The following MYRIP variants were observed in gnomAD, a reference collection of about 807,000 sequenced individuals.
MYRIP encodes the protein rab effector MyRIP.
A neutral mutation model predicts 98.0 loss-of-function variants in MYRIP; 49 were observed. That is an observed-to-expected ratio of 0.50 (90% CI 0.40 to 0.63). The LOEUF (loss-of-function observed/expected upper bound fraction) is 0.63. Ranked by LOEUF, MYRIP falls within the 30% of genes least tolerant of loss-of-function variation. The pLI is 0.00. For synonymous variants in MYRIP, 404 were observed against 409.5 expected, an observed-to-expected ratio of 0.99 and a Z score of 0.16; for missense variants, 1,004 against 1,058.2, an observed-to-expected ratio of 0.95 and a Z score of 0.71.
At chr3:40,009,729 T>C (rs1281821182) in intron 2 of MYRIP, among the ~76,000 whole-genome samples, 2 of 152,186 alleles carry the variant, frequency 1.3e-5, no homozygotes, top group Admixed American at 6.5e-5. Flanking sequence ...AGTGGTTCCA[T>C]TAAATGGTCA....
intron 4 of MYRIP, among the ~76,000 whole-genome samples, chr3:40,154,260 C>A (rs1001239798): frequency 6.6e-6 from 1 of 152,172 alleles, no homozygotes; most frequent in African/African-American, 2.4e-5. Context: ...AACCTTTCTC[C>A]TTCTCCTGCA....
intron 7 of MYRIP, among the ~76,000 whole-genome samples, chr3:40,169,569 T>A (rs1423977029): frequency 6.6e-6 from 1 of 152,210 alleles, no homozygotes; most frequent in Non-Finnish European, 1.5e-5. Flanking sequence ...ATGAGCTGTG[T>A]AGCCTTATCC....
chr3:40,253,757 A>C (rs563998126), intron 16 of MYRIP, among the ~76,000 whole-genome samples: 1 of 152,320 alleles, frequency 6.6e-6, no homozygotes, highest in East Asian at 1.9e-4. Flanking sequence ...GCCGCTATTA[A>C]GGGTTCGTTT....
intron 3 of MYRIP, among the ~76,000 whole-genome samples, chr3:40,062,577 G>A (rs2125849950): frequency 6.6e-6 from 1 of 152,200 alleles, no homozygotes; most frequent in Admixed American, 6.5e-5. Flanking sequence ...AAATCCATGG[G>A]CACCCAAATT....
Position 39,976,006 on chromosome 3 carries a change from A to G in MYRIP, c.111-68044A>G, listed in dbSNP as rs989165715. ...AGGCATGGGCAAGGACTTCATGTCTAAAACACCAAAAGCAATGGCAACAAA... is the reference window on the plus strand; with the variant it reads ...AGGCATGGGCAAGGACTTCATGTCTGAAACACCAAAAGCAATGGCAACAAA... On this transcript the variant is annotated intron_variant, in intron 2 of 16. Transcript: ENST00000302541. Among the ~76,000 whole-genome samples, 156 of 152,346 alleles carry G rather than the reference A, an allele frequency of 1.0e-3. 1 individual carries two copies. The highest frequency in any genetic ancestry group is 6.8e-3 in the Middle Eastern group (2 of 294).
intron 1 of MYRIP, among the ~76,000 whole-genome samples, chr3:39,814,331 C>T (rs1203921120): frequency 6.6e-6 from 1 of 152,078 alleles, no homozygotes; most frequent in Non-Finnish European, 1.5e-5. Flanking sequence ...TTTTACTGCT[C>T]TTTTACTTTG....
intron 1 of MYRIP, among the ~76,000 whole-genome samples, chr3:39,814,046 G>T (rs1940790626): frequency 6.6e-6 from 1 of 151,772 alleles, no homozygotes; most frequent in South Asian, 2.1e-4. Flanking sequence ...TCTACCTCTT[G>T]GTATTATTAA....
intron 2 of MYRIP, among the ~76,000 whole-genome samples, chr3:39,930,742 T>A (rs989328251): frequency 6.6e-6 from 1 of 152,074 alleles, no homozygotes; most frequent in African/African-American, 2.4e-5. Flanking sequence ...CTTTTGCATG[T>A]GGATGTCCAG....
At chr3:40,057,609 T>C (rs1287970546) in intron 3 of MYRIP, among the ~76,000 whole-genome samples, 1 of 152,154 alleles carries the variant, frequency 6.6e-6, no homozygotes, top group Admixed American at 6.5e-5. Context: ...CCAGAACTCA[T>C]ACTTTCTCTG....
At chr3:40,151,559 C>T (rs992689263) in intron 4 of MYRIP, among the ~76,000 whole-genome samples, 5 of 152,226 alleles carry the variant, frequency 3.3e-5, no homozygotes, top group African/African-American at 1.2e-4. Context: ...CCCTGGAGGG[C>T]ATGCCTTCTA....
rs555930945 is a variant in MYRIP at position 40,044,226 on chromosome 3, A to G, written c.287A>G (p.Gln96Arg). ...GTCTGCAAGAGCTGCTGCTCCTACC[A>G]GAAGCACGAAAAGGCCTGGGTCTGC... is the stretch of plus-strand genomic sequence containing the variant. ...FNVCKSCCSY[Q>R]KHEKAWVCCV... is the part of the protein sequence containing the mutation. The change falls in exon 3 of 17, where the codon CAG becomes CGG. Residue 96 changes from glutamine to arginine, a missense_variant. Transcript: ENST00000302541. 1.2e-6 allele frequency: 2 copies of G among 1,614,214 alleles called. No individual in the cohort carries two copies. The highest frequency in any genetic ancestry group is 2.7e-5 in the African/African-American group (2 of 75,068).
At chr3:39,933,461 G>A (rs913062428) in intron 2 of MYRIP, among the ~76,000 whole-genome samples, 7 of 152,156 alleles carry the variant, frequency 4.6e-5, no homozygotes, top group Non-Finnish European at 8.8e-5. Context: ...GCTTTCATAC[G>A]TCCTTGTCAC....
At chr3:40,165,990 A>G (rs1350887264) in intron 5 of MYRIP, among the ~76,000 whole-genome samples, 2 of 152,098 alleles carry the variant, frequency 1.3e-5, no homozygotes, top group Non-Finnish European at 2.9e-5. Flanking sequence ...TCTGTGCTTC[A>G]AATTTACCAT....
chr3:39,911,188 T>A (rs1346879089), intron 2 of MYRIP, among the ~76,000 whole-genome samples: 1 of 152,214 alleles, frequency 6.6e-6, no homozygotes, highest in Non-Finnish European at 1.5e-5. Context: ...TCAAAATTTA[T>A]ATCACATCTT....
At chr3:40,218,915 G>A (rs11129870) in intron 11 of MYRIP, among the ~76,000 whole-genome samples, 47,697 of 151,592 alleles carry the variant, frequency 0.31, 8,396 homozygotes, top group East Asian at 0.57. Flanking sequence ...TCATCTGGAA[G>A]AGTAAGTGCA....
intron 1 of MYRIP, among the ~76,000 whole-genome samples, chr3:39,887,680 C>A (rs1258791506): frequency 6.6e-6 from 1 of 151,994 alleles, no homozygotes; most frequent in Non-Finnish European, 1.5e-5. Context: ...CTGGCCAGGG[C>A]AATCAGGCAG....
intron 3 of MYRIP, among the ~76,000 whole-genome samples, chr3:40,095,750 C>CTCCCTCTTTCCCTT (rs1328051118): frequency 6.6e-6 from 1 of 151,552 alleles, no homozygotes; most frequent in Non-Finnish European, 1.5e-5. Flanking sequence ...TCTGCCCTTC[C>CTCCCTCTTTCCCTT]TCCCTCTTTC....
At chr3:40,177,768 G>A (rs375845467) in intron 8 of MYRIP, among the ~76,000 whole-genome samples, 8 of 151,924 alleles carry the variant, frequency 5.3e-5, no homozygotes, top group African/African-American at 1.5e-4. Flanking sequence ...TAATAATATC[G>A]TGATCTTATT....
chr3:39,982,216 A>C (rs1945912720), intron 2 of MYRIP, among the ~76,000 whole-genome samples: 1 of 152,228 alleles, frequency 6.6e-6, no homozygotes, highest in African/African-American at 2.4e-5. Context: ...GTAGGTGGGT[A>C]AGTTTATCCA....
Sources: allele counts gnomAD v4.1 joint callset (sites outside exome capture counted in the v4.1 genomes callset), GRCh38; gene constraint gnomAD v4.1.1; transcripts MANE v1.5; gene names NCBI Gene and HGNC (gene_info 2026-07-23, HGNC 2026-07-21).